Variants in NXPE2 observed in about 807,000 individuals in gnomAD.
The protein encoded by NXPE2 is NXPE family member 2.
In NXPE2, 34 loss-of-function variants were observed where a neutral mutation model predicts 34.4. The observed-to-expected ratio is 0.99, with a 90% CI of 0.75 to 1.31. NXPE2 has a LOEUF of 1.31. NXPE2 is among the 40% of genes most tolerant of loss of function. NXPE2 has a pLI of 0.00. For synonymous variants in NXPE2, 235 were observed against 231.3 expected (o/e 1.02, Z -0.15); for missense variants, 649 against 672.5 (o/e 0.97, Z 0.39).
At chr11:114,492,462 G>C in the NXPE2 span, among the ~76,000 whole-genome samples, 1 of 152,026 alleles carries the variant, frequency 6.6e-6, no homozygotes, top group Non-Finnish European at 1.5e-5. Context: ...GTTTTCTGTA[G>C]GCATTGGATG....
At chr11:114,596,902 A>G in the NXPE2 span, among the ~76,000 whole-genome samples, 14 of 152,326 alleles carry the variant, frequency 9.2e-5, no homozygotes, top group African/African-American at 2.4e-4. Context: ...AAGAACCAAG[A>G]GTACAAAAGA....
chr11:114,679,665 C>T lies in NXPE2; in HGVS notation c.35C>T (p.Thr12Ile), dbSNP rs184174967. ...VEKILIHRIL[T>I]LFPNAIARKL... The stretch of plus-strand genomic sequence containing the variant: ...CCTGTCCTTTCTTATAGGATACTCA[C>T]TTTGTTTCCAAATGCCATAGCTCGA... The change falls in exon 2 of 6, where the codon ACT becomes ATT. Residue 12 changes from threonine (T) to isoleucine (I), a missense_variant. Transcript: ENST00000389586. The T allele has an allele frequency of 6.5e-7, 1 of 1,544,040 alleles. No individual in the cohort carries two copies. Among genetic ancestry groups the T allele is most frequent in the Non-Finnish European group, 8.8e-7 (1 of 1,140,508 alleles).
At chr11:114,711,441 C>T (rs549458785), downstream of NXPE2, among the ~76,000 whole-genome samples, 2 of 152,122 alleles carry the variant, frequency 1.3e-5, no homozygotes, top group South Asian at 4.1e-4. Context: ...GCACACAAAA[C>T]CAACACTCAA....
At chr11:114,613,634 T>A in the NXPE2 span, among the ~76,000 whole-genome samples, 1 of 152,014 alleles carries the variant, frequency 6.6e-6, no homozygotes, top group Non-Finnish European at 1.5e-5. Flanking sequence ...ACACACTGGA[T>A]AACAAGTGTT....
At chr11:114,562,204 T>C in the NXPE2 span, among the ~76,000 whole-genome samples, 2 of 152,246 alleles carry the variant, frequency 1.3e-5, no homozygotes, top group East Asian at 3.8e-4. Flanking sequence ...GCATTTGAAA[T>C]TTTCTGCTAG....
chr11:114,746,115 C>G, the NXPE2 span, among the ~76,000 whole-genome samples: 1 of 152,012 alleles, frequency 6.6e-6, no homozygotes, highest in Non-Finnish European at 1.5e-5. Flanking sequence ...TGAATGTTGA[C>G]TTTAAGACTT....
At chr11:114,567,504 A>C in the NXPE2 span, among the ~76,000 whole-genome samples, 1 of 151,654 alleles carries the variant, frequency 6.6e-6, no homozygotes, top group Non-Finnish European at 1.5e-5. Context: ...CCTTCTTTCA[A>C]GTTTTTTTTG....
At chr11:114,663,985 C>T in the NXPE2 span, among the ~76,000 whole-genome samples, 1 of 152,104 alleles carries the variant, frequency 6.6e-6, no homozygotes, top group Non-Finnish European at 1.5e-5. Context: ...AACAGTTTGA[C>T]AGTTTCTTAT....
rs184910194 is a variant in NXPE2 at position 114,690,594 on chromosome 11, T to C, written c.133-7451T>C. Among the ~76,000 whole-genome samples, 5 of 152,268 alleles carry C rather than the reference T, an allele frequency of 3.3e-5. No individual in the cohort carries two copies. In the East Asian group the frequency reaches 7.7e-4, roughly 24 times the overall value. ...TGCCTTGGGGATGGGTTGCCTTGTATAGTATCTCATCAAAGTTCTCTGGGT... is the reference window on the plus strand; with the variant it reads ...TGCCTTGGGGATGGGTTGCCTTGTACAGTATCTCATCAAAGTTCTCTGGGT... On this transcript the variant is annotated intron_variant, in intron 2 of 5. Coordinates refer to ENST00000389586, the MANE Select transcript of NXPE2 (RefSeq NM_182495.6).
In NXPE2 at chr11:114,704,060, T is replaced by G. The variant is rs1321655973; in HGVS notation, c.928+8T>G. 1.3e-6 allele frequency: 2 copies of G among 1,544,298 alleles called. No homozygotes were observed. The highest frequency in any genetic ancestry group is 2.0e-5 in the Admixed American group (1 of 50,992). On this transcript the variant is annotated splice_region_variant and intron_variant, in intron 4 of 5. Transcript: ENST00000389586. ...AGGTCATACCATGCAACAGTAAGTC[T>G]GGAGTGTTGTTGTCTGCCATGATCA...
At chr11:114,769,657 T>C in the NXPE2 span, among the ~76,000 whole-genome samples, 1 of 152,186 alleles carries the variant, frequency 6.6e-6, no homozygotes, top group African/African-American at 2.4e-5. Context: ...TCATGTCCTT[T>C]GCAAGGACAT....
chr11:114,526,668 A>G, the NXPE2 span: 1 of 152,330 alleles, frequency 6.6e-6, no homozygotes, highest in African/African-American at 2.4e-5. Context: ...CCATTGGCCT[A>G]TTGAAGAAGT....
chr11:114,678,708 A>T lies in NXPE2; in HGVS notation c.26+107A>T. ...ATGGTGTGATGCAACCCTTTAGAGG[A>T]TAGTAAAATCGTTTTATTTGGGCAT... is the stretch of plus-strand genomic sequence containing the variant. On this transcript the variant is annotated intron_variant, in intron 1 of 5. Transcript: ENST00000389586. 3 of 788,648 alleles carry T rather than the reference A, an allele frequency of 3.8e-6. No homozygotes were observed. The East Asian group carries it at 8.2e-5, about 21-fold the overall frequency. 48.9% of individuals were successfully genotyped at this position (788,648 alleles called of 1,614,324 possible).
chr11:114,598,631 C>T, the NXPE2 span, among the ~76,000 whole-genome samples: 1 of 152,220 alleles, frequency 6.6e-6, no homozygotes, highest in Admixed American at 6.5e-5. Flanking sequence ...ATGGCTTGCA[C>T]TCTCTAAAGC....
chr11:114,495,375 T>C, the NXPE2 span, among the ~76,000 whole-genome samples: 1 of 151,840 alleles, frequency 6.6e-6, no homozygotes, highest in Middle Eastern at 3.2e-3. Flanking sequence ...TTGAGAACCT[T>C]AGTGCTCTGT....
upstream of NXPE2, among the ~76,000 whole-genome samples, chr11:114,676,114 A>C (rs535608829): frequency 3.3e-5 from 5 of 152,158 alleles, no homozygotes; most frequent in Admixed American, 6.6e-5. Context: ...AAATGGATTA[A>C]AGACTTAAAC....
the NXPE2 span, among the ~76,000 whole-genome samples, chr11:114,613,656 CCA>C: frequency 6.6e-6 from 1 of 151,768 alleles, no homozygotes; most frequent in Non-Finnish European, 1.5e-5. Context: ...CCTTTGGTAA[CCA>C]CAGTTACCCA....
At chr11:114,601,849 A>C in the NXPE2 span, among the ~76,000 whole-genome samples, 1 of 43,498 alleles carries the variant, frequency 2.3e-5, no homozygotes, top group Non-Finnish European at 3.5e-5. Flanking sequence ...TATAATATAA[A>C]ATATATAATA....
chr11:114,772,254 G>T, the NXPE2 span, among the ~76,000 whole-genome samples: 20 of 152,138 alleles, frequency 1.3e-4, no homozygotes, highest in African/African-American at 4.8e-4. Context: ...GAGAAAAAGG[G>T]AGTTAACCAA....
Sources: gnomAD v4.1 joint callset for allele counts (sites outside exome capture counted in the v4.1 genomes callset) on GRCh38, gnomAD v4.1.1 for gene constraint, MANE v1.5 for transcripts, NCBI Gene and HGNC (gene_info 2026-07-23, HGNC 2026-07-21) for gene names.